OPHN1: variants seen among roughly 807,000 people sequenced by gnomAD.
OPHN1 encodes the protein oligophrenin-1.
A neutral mutation model predicts 60.7 loss-of-function variants in OPHN1; 11 were observed. That is an observed-to-expected ratio of 0.18 (90% CI 0.11 to 0.30). OPHN1 has a LOEUF of 0.30. OPHN1 is among the 10% of genes least tolerant of loss of function. The probability of loss-of-function intolerance (pLI) is 1.00; values close to 1 mark genes in which losing one functional copy is unlikely to be tolerated. For synonymous variants in OPHN1, 226 were observed against 222.6 expected, an observed-to-expected ratio of 1.02 and a Z score of -0.14; for missense variants, 449 against 611.0, an observed-to-expected ratio of 0.73 and a Z score of 2.80.
At chrX:68,283,206 C>G (rs2078026542) in intron 3 of OPHN1, 89 bp from the exon 4 acceptor site, 2 of 752,591 alleles carry the variant, frequency 2.7e-6, no homozygotes, top group East Asian at 6.8e-5. Flanking sequence ...AAGTAGGGAC[C>G]AGTGCCCTAT....
intron 18 of OPHN1, chrX:68,102,054 A>C (rs906663392): frequency 1.8e-5 from 2 of 112,530 alleles, no homozygotes; most frequent in Admixed American, 9.4e-5. Flanking sequence ...AAACAGTATC[A>C]TAAAAAAAGG....
chrX:68,339,087 AAT>A (rs1555973537), intron 2 of OPHN1, among the ~76,000 whole-genome samples: 153 of 90,975 alleles, frequency 1.7e-3, no homozygotes, highest in Non-Finnish European at 2.6e-3. Flanking sequence ...GAAAAAAAAA[AAT>A]ATATATATAT....
intron 15 of OPHN1, among the ~76,000 whole-genome samples, chrX:68,175,169 G>A (rs893473963): frequency 9.0e-6 from 1 of 111,088 alleles, no homozygotes; most frequent in African/African-American, 3.3e-5. Flanking sequence ...ACAGAGAGTA[G>A]ATATAAGCAT....
chrX:68,319,705 CA>C (rs1235541683), intron 2 of OPHN1, among the ~76,000 whole-genome samples: 1 of 109,989 alleles, frequency 9.1e-6, no homozygotes, highest in Non-Finnish European at 1.9e-5. Flanking sequence ...CATTTCACTG[CA>C]GCCTGAGAGA....
intron 2 of OPHN1, among the ~76,000 whole-genome samples, chrX:68,378,917 C>G (rs1326721697): frequency 1.8e-5 from 2 of 111,356 alleles, no homozygotes; most frequent in Admixed American, 9.6e-5. Flanking sequence ...GCAATGCGGG[C>G]TCTTTTTTGG....
chrX:68,119,805 C>G (rs2077142869), intron 15 of OPHN1, among the ~76,000 whole-genome samples: 1 of 111,506 alleles, frequency 9.0e-6, no homozygotes, highest in Non-Finnish European at 1.9e-5. Context: ...CCAAAAGGGG[C>G]TCCCAAACTT....
At chrX:68,071,558 G>A (rs2076934738) in intron 20 of OPHN1, 1 of 590,246 alleles carries the variant, frequency 1.7e-6, no homozygotes, top group African/African-American at 2.2e-5. Flanking sequence ...CAGGCATAGG[G>A]ACACCATCAG....
chrX:68,267,253 T>A (rs910508698), intron 5 of OPHN1, among the ~76,000 whole-genome samples: 1 of 110,876 alleles, frequency 9.0e-6, no homozygotes, highest in South Asian at 3.8e-4. Flanking sequence ...CCACACCTAC[T>A]CCAAAATTGA....
intron 19 of OPHN1, among the ~76,000 whole-genome samples, chrX:68,074,606 CT>C (rs2076947010): frequency 8.9e-6 from 1 of 111,799 alleles, no homozygotes; most frequent in Non-Finnish European, 1.9e-5. Flanking sequence ...ACATACTCTG[CT>C]CAGTAAGCCC....
intron 20 of OPHN1, chrX:68,070,734 G>T: frequency 8.9e-7 from 1 of 1,125,925 alleles, no homozygotes; most frequent in Non-Finnish European, 1.2e-6. Flanking sequence ...CTGGGCAAAA[G>T]CTTCCCATTC....
At position 68,399,314 on chromosome X, in the gene OPHN1, G is replaced by A. The variant is rs186979827; in HGVS notation, c.154+33553C>T. On this transcript the variant is annotated intron_variant, in intron 2 of 24. Transcript: ENST00000355520. ...ATTCATTCTCCACTGTGCAGCCAGA[G>A]TAAGCTCAAAATATAAAGCACATCA... is the stretch of plus-strand genomic sequence containing the variant. Among the ~76,000 whole-genome samples, 20 of 111,017 alleles carry A rather than the reference G, an allele frequency of 1.8e-4. 1 individual carries two copies. The highest frequency in any genetic ancestry group is 3.2e-4 in the Non-Finnish European group (17 of 53,083).
At position 68,096,244 on chromosome X, in the gene OPHN1, A is replaced by T. The variant is rs143338458; in HGVS notation, c.1686+626T>A. On this transcript the variant is annotated intron_variant, in intron 19 of 24. Transcript: ENST00000355520. Reference sequence around the variant, plus strand: ...CAGAAACACCAAGAAGAATCTGAACAAACAAGCCTTGCTAAGATCCCCCTA... The same window carrying T: ...CAGAAACACCAAGAAGAATCTGAACTAACAAGCCTTGCTAAGATCCCCCTA... Among the ~76,000 whole-genome samples, 10 of 111,743 alleles carry T rather than the reference A, an allele frequency of 8.9e-5. No homozygotes were observed. The East Asian group carries it at 2.8e-3, about 32-fold the overall frequency.
intron 3 of OPHN1, among the ~76,000 whole-genome samples, chrX:68,288,260 G>C (rs765047551): frequency 9.0e-6 from 1 of 111,416 alleles, no homozygotes; most frequent in East Asian, 2.8e-4. Context: ...CCCAGAGATT[G>C]GAACTGACTT....
At chrX:68,422,721 AAGG>A (rs1384159856) in intron 2 of OPHN1, among the ~76,000 whole-genome samples, 5 of 68,892 alleles carry the variant, frequency 7.3e-5, no homozygotes, top group African/African-American at 3.9e-4. Context: ...GAAAGAAAGA[AAGG>A]AAGGAAGGAA....
chrX:68,171,405 C>T (rs1225748698), intron 15 of OPHN1, among the ~76,000 whole-genome samples: 2 of 109,050 alleles, frequency 1.8e-5, no homozygotes, highest in African/African-American at 6.8e-5. Flanking sequence ...TAAAGAACTT[C>T]AAACCAGAAT....
chrX:68,196,553 C>T (rs891782912), intron 12 of OPHN1, among the ~76,000 whole-genome samples: 2 of 111,824 alleles, frequency 1.8e-5, no homozygotes, highest in African/African-American at 3.3e-5. Flanking sequence ...CACTAAGAAA[C>T]CAGAATGTTT....
chrX:68,429,795 G>C (rs897244054), intron 2 of OPHN1, among the ~76,000 whole-genome samples: 3 of 111,296 alleles, frequency 2.7e-5, no homozygotes, highest in Non-Finnish European at 5.7e-5. Context: ...CAGCACTTTG[G>C]GAGGCCAAAG....
chrX:68,059,800 T>C (rs1472898324), intron 21 of OPHN1, among the ~76,000 whole-genome samples: 6 of 111,170 alleles, frequency 5.4e-5, no homozygotes, highest in Admixed American at 9.6e-5. Context: ...CCTCAACCCA[T>C]ATGTCATAAA....
intron 2 of OPHN1, among the ~76,000 whole-genome samples, chrX:68,417,453 G>A (rs1197077344): frequency 8.9e-6 from 1 of 112,212 alleles, no homozygotes; most frequent in African/African-American, 3.2e-5. Flanking sequence ...GGAGCAAAAA[G>A]CAAAGGTGCA....
Sources: gnomAD v4.1 joint callset for allele counts (sites outside exome capture counted in the v4.1 genomes callset) on GRCh38, gnomAD v4.1.1 for gene constraint, MANE v1.5 for transcripts, NCBI Gene and HGNC (gene_info 2026-07-23, HGNC 2026-07-21) for gene names.